ASRGL1: variants seen among roughly 807,000 people sequenced by gnomAD.
ASRGL1 encodes the protein asparaginase and isoaspartyl peptidase 1.
A neutral mutation model predicts 22.4 loss-of-function variants in ASRGL1; 16 were observed. The ratio of observed to expected loss-of-function variants is 0.71; its 90% CI spans 0.48 to 1.08. ASRGL1 has a LOEUF of 1.08. Among genes scored for constraint, ASRGL1 ranks in the 50% least tolerant of loss-of-function variants. ASRGL1 has a pLI of 0.00. For missense variants in ASRGL1, 412 were observed against 410.1 expected (o/e 1.00, Z -0.04); for synonymous variants, 165 against 159.3 (o/e 1.04, Z -0.27).
chr11:62,384,227 G>A (rs550850624), intron 4 of ASRGL1, among the ~76,000 whole-genome samples: 93 of 151,924 alleles, frequency 6.1e-4, no homozygotes, highest in Non-Finnish European at 2.1e-4. Flanking sequence ...AAAAAAGTCC[G>A]GGCGCAGTGG....
intron 4 of ASRGL1, among the ~76,000 whole-genome samples, chr11:62,370,304 A>C (rs1946729862): frequency 6.6e-6 from 1 of 152,156 alleles, no homozygotes; most frequent in Non-Finnish European, 1.5e-5. Context: ...ATAGTTTGGG[A>C]GTCTGGTTTA....
intron 4 of ASRGL1, among the ~76,000 whole-genome samples, chr11:62,360,072 C>G (rs149766110): frequency 0.025 from 3,674 of 147,488 alleles, 189 homozygotes; most frequent in East Asian, 0.14. Flanking sequence ...CACTGTGTTG[C>G]CCAGGCTGGA....
chr11:62,364,768 CA>C (rs1186555015), intron 4 of ASRGL1, among the ~76,000 whole-genome samples: 1 of 151,972 alleles, frequency 6.6e-6, no homozygotes, highest in South Asian at 2.1e-4. Flanking sequence ...GAATCTAAAA[CA>C]AAAAGAAACA....
intron 2 of ASRGL1, among the ~76,000 whole-genome samples, chr11:62,338,950 C>G (rs944785820): frequency 5.4e-5 from 2 of 37,078 alleles, no homozygotes; most frequent in African/African-American, 1.7e-4. Context: ...AAAAAAAAAA[C>G]TGAAAAAAGA....
chr11:62,370,303 G>A (rs902600944), intron 4 of ASRGL1, among the ~76,000 whole-genome samples: 1 of 152,180 alleles, frequency 6.6e-6, no homozygotes, highest in Non-Finnish European at 1.5e-5. Context: ...TATAGTTTGG[G>A]AGTCTGGTTT....
chr11:62,346,767 C>T (rs1177350734), intron 2 of ASRGL1, among the ~76,000 whole-genome samples: 1 of 151,990 alleles, frequency 6.6e-6, no homozygotes, highest in African/African-American at 2.4e-5. Context: ...GTCAGGAGTT[C>T]GAGACCTGCC....
chr11:62,363,011 A>G (rs1320941755), intron 4 of ASRGL1, among the ~76,000 whole-genome samples: 3 of 128,560 alleles, frequency 2.3e-5, no homozygotes, highest in Non-Finnish European at 4.7e-5. Flanking sequence ...CTCCGCCTCC[A>G]GGGTTCACGC....
downstream of ASRGL1, among the ~76,000 whole-genome samples, chr11:62,395,305 C>T (rs1947418648): frequency 6.6e-6 from 1 of 152,108 alleles, no homozygotes; most frequent in Non-Finnish European, 1.5e-5. Context: ...CCCACTTGCT[C>T]CTTCCAGCCA....
At chr11:62,362,891 A>ATT (rs60507577) in intron 4 of ASRGL1, among the ~76,000 whole-genome samples, 3 of 50,366 alleles carry the variant, frequency 6.0e-5, no homozygotes, top group East Asian at 6.6e-4. Context: ...AAAGGATTTA[A>ATT]TTTTTTTTTT....
downstream of ASRGL1, among the ~76,000 whole-genome samples, chr11:62,398,019 C>T (rs1030094248): frequency 5.9e-5 from 9 of 151,992 alleles, no homozygotes; most frequent in African/African-American, 2.2e-4. Flanking sequence ...GGCTGCCCCT[C>T]GTTGAGTGAG....
At chr11:62,401,258 G>A in the ASRGL1 span, among the ~76,000 whole-genome samples, 1 of 152,206 alleles carries the variant, frequency 6.6e-6, no homozygotes, top group Non-Finnish European at 1.5e-5. Context: ...GCCAGGATGT[G>A]AGCCCGTATC....
At chr11:62,358,132 G>T (rs1253764559) in intron 4 of ASRGL1, among the ~76,000 whole-genome samples, 2 of 152,208 alleles carry the variant, frequency 1.3e-5, no homozygotes, top group Non-Finnish European at 2.9e-5. Context: ...ACTTTGGGAG[G>T]CCGAGGCGGA....
At chr11:62,357,869 C>T (rs1239230325) in intron 4 of ASRGL1, among the ~76,000 whole-genome samples, 1 of 152,108 alleles carries the variant, frequency 6.6e-6, no homozygotes, top group Non-Finnish European at 1.5e-5. Context: ...AATCTATTGA[C>T]TCCGCATACT....
chr11:62,353,255 T>C (rs1251012316), intron 2 of ASRGL1, among the ~76,000 whole-genome samples: 1 of 152,118 alleles, frequency 6.6e-6, no homozygotes, highest in Non-Finnish European at 1.5e-5. Context: ...CTAACTTCCA[T>C]TTGGTTTTTC....
At chr11:62,344,274 A>T (rs1450235138) in intron 2 of ASRGL1, among the ~76,000 whole-genome samples, 3 of 152,096 alleles carry the variant, frequency 2.0e-5, no homozygotes, top group African/African-American at 7.2e-5. Context: ...ATTGAGTTTT[A>T]AGAGTTGTTT....
intron 2 of ASRGL1, 21 bp from the exon 3 acceptor site, chr11:62,356,304 T>C (rs1269531809): frequency 6.2e-7 from 1 of 1,611,886 alleles, no homozygotes; most frequent in Non-Finnish European, 8.5e-7. Context: ...TTCTTGCTTT[T>C]CAACTTCTTT....
intron 4 of ASRGL1, among the ~76,000 whole-genome samples, chr11:62,357,716 C>T (rs1467027122): frequency 6.6e-6 from 1 of 152,092 alleles, no homozygotes; most frequent in East Asian, 1.9e-4. Context: ...GAAATCAGCA[C>T]AACTCTTAGA....
intron 2 of ASRGL1, among the ~76,000 whole-genome samples, chr11:62,338,932 CAAAAAAAA>C (rs576869521): frequency 3.0e-5 from 3 of 101,578 alleles, no homozygotes; most frequent in Admixed American, 2.4e-4. Flanking sequence ...GAGACTATCT[CAAAAAAAA>C]AAAAAAAAAC....
intron 4 of ASRGL1, among the ~76,000 whole-genome samples, chr11:62,376,489 T>C (rs1456240315): frequency 6.6e-6 from 1 of 152,208 alleles, no homozygotes; most frequent in Non-Finnish European, 1.5e-5. Context: ...CTTATTTTTG[T>C]TGTCTTTCCA....
Sources: gnomAD v4.1 joint callset for allele counts (sites outside exome capture counted in the v4.1 genomes callset) on GRCh38, gnomAD v4.1.1 for gene constraint, MANE v1.5 for transcripts, NCBI Gene and HGNC (gene_info 2026-07-23, HGNC 2026-07-21) for gene names.